TRIM4: variants seen among roughly 807,000 people sequenced by gnomAD.
The protein encoded by TRIM4 is E3 ubiquitin-protein ligase TRIM4.
TRIM4 carries 29 observed loss-of-function variants against 33.7 expected under a neutral mutation model. The ratio of observed to expected loss-of-function variants is 0.86; its 90% confidence interval spans 0.64 to 1.17. TRIM4 has a LOEUF of 1.17. TRIM4 is among the 50% of genes most tolerant of loss of function. The pLI is 0.00. For missense variants in TRIM4, 554 were observed against 593.7 expected (o/e 0.93, Z 0.69); for synonymous variants, 224 against 233.0 (o/e 0.96, Z 0.35).
intron 1 of TRIM4, among the ~76,000 whole-genome samples, chr7:99,914,282 C>T (rs1819505057): frequency 1.3e-5 from 2 of 152,144 alleles, no homozygotes; most frequent in African/African-American, 4.8e-5. Flanking sequence ...CTCGGCCTCC[C>T]GAATAGCTGG....
intron 1 of TRIM4, among the ~76,000 whole-genome samples, chr7:99,913,396 C>T (rs1258818195): frequency 5.3e-5 from 8 of 152,186 alleles, no homozygotes; most frequent in Non-Finnish European, 1.0e-4. Flanking sequence ...CAGCTAGGTG[C>T]GGTGGCTCAC....
rs910366078 is a variant in TRIM4, at chr7:99,892,799, C to G, written c.842-53G>C. ...GCAGCAGCTTATCATCAACCCTTCC[C>G]CAGAAATGCCCATCTTTTCCAGCAT... On this transcript the variant is annotated intron_variant, in intron 5 of 5. Coordinates refer to ENST00000349062, the MANE Select transcript of TRIM4 (RefSeq NM_033091.3). The G allele has an allele frequency of 4.3e-6, 6 of 1,407,778 alleles. No homozygotes were observed. The African/African-American group carries it at 8.6e-5, about 20-fold the overall frequency. The allele number at this position is 1,407,778 out of a possible 1,614,324, so 87.2% of individuals were successfully genotyped here.
rs1192716828 is a variant in TRIM4 at position 99,892,440 on chromosome 7, T to G, written c.1148A>C (p.Lys383Thr). Residue 383 changes from lysine to threonine, a missense_variant, in exon 6 of 6, where the codon AAA (lysine) becomes ACA (threonine). Lys to Thr is a moderately conservative substitution (Grantham distance 78). Coordinates refer to ENST00000349062, the MANE Select transcript of TRIM4 (RefSeq NM_033091.3). The stretch of plus-strand genomic sequence containing the variant: ...CCAGATGCCCACATCTGGGGACATT[T>G]TTGAACGATCAGTAATTCCCATGAC... ...EDVMGITDRS[K>T]MSPDVGIWAI... 6.2e-7 allele frequency: 1 copy of G among 1,614,026 alleles called. No homozygotes were observed. The highest frequency in any genetic ancestry group is 8.5e-7 in the Non-Finnish European group (1 of 1,179,986).
intron 5 of TRIM4, among the ~76,000 whole-genome samples, chr7:99,896,088 T>C (rs2151641739): frequency 6.6e-6 from 1 of 152,338 alleles, no homozygotes; most frequent in South Asian, 2.1e-4. Flanking sequence ...TGTTTTCTTC[T>C]TTTTCTGCCT....
chr7:99,896,903 C>T (rs1174510137), intron 5 of TRIM4, among the ~76,000 whole-genome samples: 1 of 152,244 alleles, frequency 6.6e-6, no homozygotes, highest in Non-Finnish European at 1.5e-5. Flanking sequence ...CCAGTCCTGA[C>T]TGTGCTTAGA....
chr7:99,908,120 A>G (rs1005693229), intron 3 of TRIM4: 2 of 152,858 alleles, frequency 1.3e-5, no homozygotes, highest in African/African-American at 4.8e-5. Context: ...GAAATTATTT[A>G]AATGAAAGTA....
chr7:99,905,236 C>G (rs532098198), intron 3 of TRIM4, among the ~76,000 whole-genome samples: 2 of 152,168 alleles, frequency 1.3e-5, no homozygotes, highest in African/African-American at 2.4e-5. Context: ...AACTGGAACT[C>G]TTAATTTTAC....
chr7:99,916,693 CTTT>C, intron 1 of TRIM4: 1 of 780,918 alleles, frequency 1.3e-6, no homozygotes, highest in Non-Finnish European at 2.4e-6. Flanking sequence ...TAATTCAGGT[CTTT>C]ATTACCTCCT....
Position 99,891,945 on chromosome 7 carries a change from C to T in TRIM4, c.*218G>A. 1 of 485,466 alleles carries T rather than the reference C, an allele frequency of 2.1e-6. No individual in the cohort carries two copies. The highest frequency in any genetic ancestry group is 3.6e-6 in the Non-Finnish European group (1 of 278,230). 30.1% of individuals were successfully genotyped at this position (485,466 alleles called of 1,614,324 possible). A position where few individuals can be genotyped will look rare whatever the true frequency, so the allele number is the denominator to read the frequency against. ...CTACAAAAAGATTTCCCAAAAGCGT[C>T]TTGGAAAATTTCCTGTCCCATCTCC... is the stretch of plus-strand genomic sequence containing the variant. On this transcript the variant is annotated 3_prime_UTR_variant, in exon 6 of 6. Transcript: ENST00000349062.
chr7:99,912,247 T>C (rs1819461350), intron 1 of TRIM4, among the ~76,000 whole-genome samples: 1 of 152,190 alleles, frequency 6.6e-6, no homozygotes, highest in Non-Finnish European at 1.5e-5. Context: ...AAAAATACCA[T>C]AGGCCAGGCA....
At chr7:99,902,249 A>T (rs2527913) in intron 5 of TRIM4, 413,630 of 718,784 alleles carry the variant, frequency 0.58, 123,712 homozygotes, top group African/African-American at 0.85. Context: ...GGTTCTTTTT[A>T]GTTTGTTTGT....
At chr7:99,893,907 T>C (rs1208613587) in intron 5 of TRIM4, among the ~76,000 whole-genome samples, 2 of 152,062 alleles carry the variant, frequency 1.3e-5, no homozygotes, top group African/African-American at 2.4e-5. Context: ...AAATCAGGAA[T>C]GTATGCTAGA....
chr7:99,906,283 T>C (rs147449966), intron 3 of TRIM4, among the ~76,000 whole-genome samples: 44 of 152,306 alleles, frequency 2.9e-4, no homozygotes, highest in African/African-American at 1.0e-3. Context: ...TTGACTTGGA[T>C]AGTAGTTACA....
chr7:99,918,538 C>G (rs1315187441), intron 1 of TRIM4, among the ~76,000 whole-genome samples: 1 of 150,684 alleles, frequency 6.6e-6, no homozygotes, highest in Admixed American at 6.6e-5. Context: ...GTGCTCCAGC[C>G]TGGGCAATAA....
chr7:99,915,958 G>A (rs1819547337), intron 1 of TRIM4, among the ~76,000 whole-genome samples: 2 of 152,102 alleles, frequency 1.3e-5, no homozygotes, highest in Admixed American at 1.3e-4. Flanking sequence ...TGTGACCTCG[G>A]GGGCATGTAA....
rs767530595 is a variant in TRIM4, at chr7:99,892,426, C to T, written c.1162G>A (p.Val388Met). ...CTCCAATAAATCGCCCAGATGCCCA[C>T]ATCTGGGGACATTTTTGAACGATCA... ...ITDRSKMSPD[V>M]GIWAIYWSAA... Residue 388 changes from valine (V) to methionine (M), a missense_variant, in exon 6 of 6, where the codon GTG becomes ATG. Around this residue, in one of 3 missense-constraint regions of TRIM4, gnomAD observed 290 missense variants for 335.8 expected, o/e 0.86. Transcript: ENST00000349062. 6 of 1,614,138 alleles carry T rather than the reference C, an allele frequency of 3.7e-6. No individual in the cohort carries two copies. In the South Asian group the frequency reaches 5.5e-5, roughly 15 times the overall value.
chr7:99,913,670 CAAATAAAT>C (rs57799977), intron 1 of TRIM4, among the ~76,000 whole-genome samples: 6 of 148,546 alleles, frequency 4.0e-5, no homozygotes, highest in African/African-American at 9.9e-5. Context: ...GACTCCATCT[CAAATAAAT>C]AAATAAATAA....
chr7:99,892,722 G>A lies in TRIM4; in HGVS notation c.866C>T (p.Thr289Ile). 1 of 1,613,400 alleles carries A rather than the reference G, an allele frequency of 6.2e-7. No individual in the cohort carries two copies. The highest frequency in any genetic ancestry group is 8.5e-7 in the Non-Finnish European group (1 of 1,179,872). Residue 289 changes from threonine to isoleucine, a missense_variant, in exon 6 of 6, where the codon ACA (threonine) becomes ATA (isoleucine). This residue lies in a region of TRIM4 where 290 missense variants were observed against 335.8 expected (regional missense o/e 0.86). Transcript: ENST00000349062. ...FQVAVNLAED[T>I]AHPKLVFSQE... ...GGAGAAGACGAGTTTGGGATGAGCT[G>A]TGTCTTCAGCTAGGTTTACAGCCAC... is the stretch of plus-strand genomic sequence containing the variant.
chr7:99,913,707 T>C (rs1819494954), intron 1 of TRIM4, among the ~76,000 whole-genome samples: 1 of 151,668 alleles, frequency 6.6e-6, no homozygotes, highest in East Asian at 1.9e-4. Context: ...AAATAATAAT[T>C]TTTTTAAAAA....
Sources: allele counts gnomAD v4.1 joint callset (sites outside exome capture counted in the v4.1 genomes callset), GRCh38; gene constraint gnomAD v4.1.1; regional missense constraint gnomAD v4.1.1; transcripts MANE v1.5; gene names NCBI Gene and HGNC (gene_info 2026-07-23, HGNC 2026-07-21).